MYO6: variants seen among roughly 807,000 people sequenced by gnomAD.
The protein encoded by MYO6 is myosin VI.
A neutral mutation model predicts 178.7 loss-of-function variants in MYO6; 74 were observed. That is an observed-to-expected ratio of 0.41 (90% CI 0.34 to 0.50). MYO6 has a LOEUF of 0.50. MYO6 is among the 20% of genes least tolerant of loss of function. The probability of loss-of-function intolerance (pLI) is 0.09; values close to 1 mark genes in which losing one functional copy is unlikely to be tolerated. For synonymous variants in MYO6, 477 were observed against 504.6 expected, an observed-to-expected ratio of 0.95 and a Z score of 0.73; for missense variants, 1,330 against 1,547.4, an observed-to-expected ratio of 0.86 and a Z score of 2.36.
At chr6:75,780,717 C>T (rs553498063) in intron 1 of MYO6, among the ~76,000 whole-genome samples, 2 of 152,224 alleles carry the variant, frequency 1.3e-5, no homozygotes, top group African/African-American at 4.8e-5. Context: ...TAATAATTCC[C>T]TCTATATGAT....
chr6:75,803,971 GCA>G (rs1769744623), intron 1 of MYO6, among the ~76,000 whole-genome samples: 1 of 152,180 alleles, frequency 6.6e-6, no homozygotes, highest in African/African-American at 2.4e-5. Context: ...ATGGCTCACT[GCA>G]GCCTTGGCCA....
In MYO6 at chr6:75,915,136, T is replaced by A; in HGVS notation, c.*124T>A. On this transcript the variant is annotated 3_prime_UTR_variant, in exon 35 of 35. Transcript: ENST00000369977. ...CTTCTATAAAGTGAACAGATTTTATTAATCACGGCTTTTGGTGAATTTGTT... is the reference window on the plus strand; with the variant it reads ...CTTCTATAAAGTGAACAGATTTTATAAATCACGGCTTTTGGTGAATTTGTT... The A allele has an allele frequency of 1.0e-6, 1 of 981,470 alleles. No individual in the cohort carries two copies. The highest frequency in any genetic ancestry group is 1.5e-6 in the Non-Finnish European group (1 of 649,370). 60.8% of individuals were successfully genotyped at this position (981,470 alleles called of 1,614,324 possible).
intron 1 of MYO6, among the ~76,000 whole-genome samples, chr6:75,749,796 C>CA (rs1383179582): frequency 6.6e-6 from 1 of 152,146 alleles, no homozygotes; most frequent in Non-Finnish European, 1.5e-5. Context: ...AGGGGGAGCG[C>CA]AGTTTGCTCT....
intron 12 of MYO6, among the ~76,000 whole-genome samples, chr6:75,856,029 T>G (rs1276140333): frequency 1.3e-5 from 2 of 152,216 alleles, no homozygotes; most frequent in Non-Finnish European, 2.9e-5. Flanking sequence ...TGGCTATCTC[T>G]TATTCTTTTG....
chr6:75,757,246 CAT>C (rs1429256362), intron 1 of MYO6, among the ~76,000 whole-genome samples: 12 of 145,972 alleles, frequency 8.2e-5, no homozygotes, highest in South Asian at 2.1e-4. Context: ...GACATACATA[CAT>C]ATGTGTGTGT....
intron 1 of MYO6, among the ~76,000 whole-genome samples, chr6:75,794,361 T>G (rs1768559369): frequency 2.6e-5 from 4 of 152,218 alleles, no homozygotes; most frequent in Admixed American, 6.5e-5. Flanking sequence ...CAGAGCCATA[T>G]TATCATGGAA....
chr6:75,885,162 C>T (rs1215447683), intron 23 of MYO6, among the ~76,000 whole-genome samples: 2 of 152,172 alleles, frequency 1.3e-5, no homozygotes, highest in Non-Finnish European at 1.5e-5. Context: ...ACATAATTTC[C>T]TTGGTTGTAA....
chr6:75,877,737 T>G (rs1191228930), intron 20 of MYO6, among the ~76,000 whole-genome samples: 2 of 150,636 alleles, frequency 1.3e-5, no homozygotes, highest in Non-Finnish European at 3.0e-5. Context: ...TAAAAGCCAG[T>G]TCATGGAAAT....
chr6:75,891,003 A>G (rs1778863636), intron 26 of MYO6, among the ~76,000 whole-genome samples: 2 of 152,154 alleles, frequency 1.3e-5, no homozygotes, highest in Admixed American at 1.3e-4. Flanking sequence ...ATTCATCTAG[A>G]GATGTTAAAA....
At chr6:75,876,189 G>A (rs888767196) in intron 20 of MYO6, among the ~76,000 whole-genome samples, 1 of 152,068 alleles carries the variant, frequency 6.6e-6, no homozygotes, top group African/African-American at 2.4e-5. Flanking sequence ...TGACATGGAG[G>A]GGAGCCTGAA....
chr6:75,878,742 C>A (rs186493700), intron 20 of MYO6, among the ~76,000 whole-genome samples: 1 of 152,198 alleles, frequency 6.6e-6, no homozygotes, highest in South Asian at 2.1e-4. Flanking sequence ...AATGGCTTGC[C>A]GTTTGTCATA....
intron 30 of MYO6, among the ~76,000 whole-genome samples, chr6:75,899,369 AAAAC>A (rs1255909536): frequency 6.6e-6 from 1 of 152,196 alleles, no homozygotes; most frequent in African/African-American, 2.4e-5. Flanking sequence ...GATAACAACA[AAAAC>A]AAAACTTAAT....
chr6:75,873,720 A>G (rs1054450974), intron 20 of MYO6, among the ~76,000 whole-genome samples: 13 of 152,214 alleles, frequency 8.5e-5, no homozygotes, highest in Non-Finnish European at 1.8e-4. Flanking sequence ...AGCTTTCTCA[A>G]TCCAGCAGTA....
At position 75,918,661 on chromosome 6, in the gene MYO6, T is replaced by C. The variant is rs190259308; in HGVS notation, c.*3649T>C. The C allele has an allele frequency of 1.1e-4, 17 of 152,368 alleles. No homozygotes were observed. The highest frequency in any genetic ancestry group is 8.3e-4 in the South Asian group (4 of 4,830). The allele number at this position is 152,368 out of a possible 1,614,324, so 9.4% of individuals were successfully genotyped here. The stretch of plus-strand genomic sequence containing the variant: ...GTAGCACCTACTCTGCTGGGAGCAC[T>C]TCTCTGAGTACGCTTTAGTTCAATT... On this transcript the variant is annotated 3_prime_UTR_variant, in exon 35 of 35. Coordinates refer to ENST00000369977, the MANE Select transcript of MYO6 (RefSeq NM_004999.4).
At chr6:75,887,031 T>C (rs760858898) in intron 25 of MYO6, 37 bp downstream of exon 25, 7 of 1,577,178 alleles carry the variant, frequency 4.4e-6, no homozygotes, top group Non-Finnish European at 6.1e-6. Flanking sequence ...TGACTTTTTA[T>C]GTAATTTAAT....
chr6:75,870,971 A>G (rs1777095604), intron 19 of MYO6, among the ~76,000 whole-genome samples: 2 of 152,180 alleles, frequency 1.3e-5, no homozygotes, highest in South Asian at 4.1e-4. Context: ...TCTTAGGATT[A>G]AAGATTAGTT....
intron 1 of MYO6, among the ~76,000 whole-genome samples, chr6:75,810,448 G>T (rs1035718019): frequency 6.6e-6 from 1 of 152,138 alleles, no homozygotes; most frequent in South Asian, 2.1e-4. Context: ...AATCTGTTTT[G>T]TCAGTCTTAT....
Position 75,751,094 on chromosome 6 carries a change from T to G in MYO6, c.-48+1671T>G, listed in dbSNP as rs1442001870. 2.0e-5 allele frequency among the ~76,000 whole-genome samples: 3 copies of G among 152,288 alleles called. No individual in the cohort carries two copies. In the East Asian group the frequency reaches 5.8e-4, roughly 29 times the overall value. On this transcript the variant is annotated intron_variant, in intron 1 of 34. Transcript: ENST00000369977. The stretch of plus-strand genomic sequence containing the variant: ...TACCTTTGTGCCTTTTTTCCTTAAT[T>G]GTAGAAACCGCCACAAATGTTACAA...
At chr6:75,868,980 T>G (rs1776921550) in intron 18 of MYO6, among the ~76,000 whole-genome samples, 1 of 152,046 alleles carries the variant, frequency 6.6e-6, no homozygotes, top group African/African-American at 2.4e-5. Context: ...CTTATGGTCC[T>G]TGGCTGTTCT....
Sources: allele counts gnomAD v4.1 joint callset (sites outside exome capture counted in the v4.1 genomes callset), GRCh38; gene constraint gnomAD v4.1.1; transcripts MANE v1.5; gene names NCBI Gene and HGNC (gene_info 2026-07-23, HGNC 2026-07-21).